Variants in ANKS1B observed in about 807,000 individuals in gnomAD.
ANKS1B encodes the protein ankyrin repeat and sterile alpha motif domain-containing protein 1B.
ANKS1B carries 36 observed loss-of-function variants against 148.3 expected under a neutral mutation model. That is an observed-to-expected ratio of 0.24 (90% CI 0.19 to 0.32). The LOEUF (loss-of-function observed/expected upper bound fraction) is 0.32. ANKS1B is among the 10% of genes least tolerant of loss of function. The probability of loss-of-function intolerance (pLI) is 1.00; values close to 1 mark genes in which losing one functional copy is unlikely to be tolerated. For synonymous variants in ANKS1B, 542 were observed against 560.8 expected (o/e 0.97, Z 0.47); for missense variants, 1,157 against 1,542.6 (o/e 0.75, Z 4.19).
At chr12:99,309,090 G>A (rs1351186926) in intron 12 of ANKS1B, among the ~76,000 whole-genome samples, 3 of 151,534 alleles carry the variant, frequency 2.0e-5, no homozygotes, top group African/African-American at 7.3e-5. Context: ...TTACTTTTAG[G>A]TTTTCTATGG....
At chr12:99,966,279 CTAAAG>C (rs1193178691) in intron 1 of ANKS1B, among the ~76,000 whole-genome samples, 1 of 152,040 alleles carries the variant, frequency 6.6e-6, no homozygotes, top group Non-Finnish European at 1.5e-5. Flanking sequence ...GAAATACAAA[CTAAAG>C]TATTCTGGGG....
intron 7 of ANKS1B, among the ~76,000 whole-genome samples, chr12:99,773,634 C>A (rs2063394342): frequency 1.3e-5 from 2 of 152,162 alleles, no homozygotes; most frequent in South Asian, 4.1e-4. Context: ...TTGTAGATTA[C>A]ATGAAAATAT....
At chr12:99,853,489 T>C in intron 1 of ANKS1B, among the ~76,000 whole-genome samples, 1 of 151,982 alleles carries the variant, frequency 6.6e-6, no homozygotes, top group Non-Finnish European at 1.5e-5. Context: ...GAAATAACCC[T>C]CACTGCAGTT....
At chr12:98,760,252 T>C (rs2098374270) in intron 25 of ANKS1B, among the ~76,000 whole-genome samples, 1 of 150,702 alleles carries the variant, frequency 6.6e-6, no homozygotes, top group African/African-American at 2.5e-5. Flanking sequence ...CTTTTGCGTT[T>C]AAAATAGTCT....
chr12:99,209,840 C>A (rs10860403), intron 14 of ANKS1B, among the ~76,000 whole-genome samples: 20,902 of 152,082 alleles, frequency 0.14, 1,610 homozygotes, highest in South Asian at 0.29. Flanking sequence ...ACATTCCAAA[C>A]CCCTTCCCGG....
intron 19 of ANKS1B, among the ~76,000 whole-genome samples, chr12:98,827,574 C>A (rs766320904): frequency 3.9e-5 from 6 of 152,132 alleles, no homozygotes; most frequent in Non-Finnish European, 5.9e-5. Flanking sequence ...CCCCTGCTTT[C>A]GAAAACCTCA....
chr12:98,807,984 T>A, intron 19 of ANKS1B, 66 bp from the exon 20 acceptor site: 1 of 1,261,056 alleles, frequency 7.9e-7, no homozygotes, highest in Non-Finnish European at 1.1e-6. Context: ...CAAGGTAGCA[T>A]CCAGGAAGGA....
At chr12:99,184,600 T>C (rs1289634994) in intron 14 of ANKS1B, among the ~76,000 whole-genome samples, 1 of 152,206 alleles carries the variant, frequency 6.6e-6, no homozygotes, top group Non-Finnish European at 1.5e-5. Context: ...AAAATATCAT[T>C]AGGAGAAAAC....
chr12:99,110,188 T>C (rs1439486565), intron 15 of ANKS1B, among the ~76,000 whole-genome samples: 2 of 152,168 alleles, frequency 1.3e-5, no homozygotes, highest in Non-Finnish European at 2.9e-5. Context: ...GTAAGATAGA[T>C]GAGAAACTGC....
intron 15 of ANKS1B, among the ~76,000 whole-genome samples, chr12:99,102,068 GA>G (rs1324428696): frequency 6.6e-6 from 1 of 152,182 alleles, no homozygotes; most frequent in Non-Finnish European, 1.5e-5. Context: ...ATGAGAGAAA[GA>G]AGGAAAAGAT....
intron 9 of ANKS1B, among the ~76,000 whole-genome samples, chr12:99,599,762 T>C (rs2153276586): frequency 6.6e-6 from 1 of 152,172 alleles, no homozygotes; most frequent in Middle Eastern, 3.4e-3. Context: ...AGGATGAACC[T>C]GGCTTTGGAC....
chr12:99,873,838 A>C (rs996714108), intron 1 of ANKS1B, among the ~76,000 whole-genome samples: 2 of 152,066 alleles, frequency 1.3e-5, no homozygotes, highest in African/African-American at 4.8e-5. Flanking sequence ...TGAAGGCCTT[A>C]ACAGTCTGAC....
At position 99,655,192 on chromosome 12, in the gene ANKS1B, T is replaced by A; in HGVS notation, c.1147A>T (p.Asn383Tyr). 1 of 1,610,142 alleles carries A rather than the reference T, an allele frequency of 6.2e-7. No homozygotes were observed. The highest frequency in any genetic ancestry group is 8.5e-7 in the Non-Finnish European group (1 of 1,177,720). Residue 383 changes from asparagine to tyrosine, a missense_variant, in exon 9 of 27, where the codon AAT (asparagine) becomes TAT (tyrosine). Coordinates refer to ENST00000683438, the MANE Select transcript of ANKS1B (RefSeq NM_001352186.2). ...TCTTCCACTTCTCCTGGTGACAAAT[T>A]GATTGTAGATGAGGTTCTCTGAAAT... ...SQSVRTSSTI[N>Y]LSPGEVEEED...
At position 98,831,767 on chromosome 12, in the gene ANKS1B, C is replaced by T. The variant is rs552732189; in HGVS notation, c.2886+262G>A. The T allele has an allele frequency of 2.0e-4, 81 of 413,400 alleles. No homozygotes were observed. The East Asian group carries it at 2.4e-3, about 12-fold the overall frequency. The allele number at this position is 413,400 out of a possible 1,614,324, so 25.6% of individuals were successfully genotyped here. Reference sequence around the variant, plus strand: ...ACCTATAAAACTACATAAAATAATTCTTTTATTTTCTTACTCTGTTGCCCA... The same window carrying T: ...ACCTATAAAACTACATAAAATAATTTTTTTATTTTCTTACTCTGTTGCCCA... On this transcript the variant is annotated intron_variant, in intron 18 of 26. Transcript: ENST00000683438.
At chr12:99,742,450 G>C (rs960377441) in intron 8 of ANKS1B, among the ~76,000 whole-genome samples, 3 of 151,972 alleles carry the variant, frequency 2.0e-5, no homozygotes, top group Admixed American at 2.0e-4. Context: ...AACAAAGACT[G>C]GTATGGAAGA....
intron 8 of ANKS1B, among the ~76,000 whole-genome samples, chr12:99,758,212 T>A (rs1156538195): frequency 6.6e-6 from 1 of 151,870 alleles, no homozygotes; most frequent in African/African-American, 2.4e-5. Context: ...GAGAGACTGA[T>A]TGCAAAGAAA....
At chr12:99,799,217 A>T (rs2066632863) in intron 4 of ANKS1B, among the ~76,000 whole-genome samples, 1 of 152,022 alleles carries the variant, frequency 6.6e-6, no homozygotes, top group Admixed American at 6.6e-5. Context: ...TTCCTCTTTT[A>T]ACTGCTTCTT....
chr12:99,269,813 C>A (rs1185306908), intron 12 of ANKS1B, among the ~76,000 whole-genome samples: 1 of 152,132 alleles, frequency 6.6e-6, no homozygotes. Flanking sequence ...CCCGCCTCCA[C>A]CTTCCAAAGT....
downstream of ANKS1B, among the ~76,000 whole-genome samples, chr12:98,743,616 A>G (rs986060819): frequency 6.6e-6 from 1 of 152,206 alleles, no homozygotes; most frequent in African/African-American, 2.4e-5. Flanking sequence ...ATAGAAAAAA[A>G]TGAAAGGACT....
Sources: gnomAD v4.1 joint callset for allele counts (sites outside exome capture counted in the v4.1 genomes callset) on GRCh38, gnomAD v4.1.1 for gene constraint, MANE v1.5 for transcripts, NCBI Gene and HGNC (gene_info 2026-07-23, HGNC 2026-07-21) for gene names.